Variants in NPAS3 observed in about 807,000 individuals in gnomAD.
NPAS3 encodes neuronal PAS domain-containing protein 3.
In NPAS3, 14 loss-of-function variants were observed where a neutral mutation model predicts 73.1. The ratio of observed to expected loss-of-function variants is 0.19; its 90% CI spans 0.13 to 0.30. The LOEUF (loss-of-function observed/expected upper bound fraction) is 0.30. Among genes scored for constraint, NPAS3 ranks in the 10% least tolerant of loss-of-function variants. NPAS3 has a pLI of 1.00. For synonymous variants in NPAS3, 620 were observed against 541.5 expected, an observed-to-expected ratio of 1.14 and a Z score of -2.01; for missense variants, 1,096 against 1,250.0, an observed-to-expected ratio of 0.88 and a Z score of 1.86.
intron 2 of NPAS3, among the ~76,000 whole-genome samples, chr14:33,131,015 C>T (rs374663742): frequency 2.0e-5 from 3 of 152,058 alleles, no homozygotes; most frequent in African/African-American, 7.2e-5. Flanking sequence ...AGTTTCAAAC[C>T]ATCCATGCTC....
At chr14:33,358,976 G>A (rs1184105210) in intron 3 of NPAS3, among the ~76,000 whole-genome samples, 3 of 152,254 alleles carry the variant, frequency 2.0e-5, no homozygotes, top group South Asian at 2.1e-4. Context: ...AGCAGGTGCT[G>A]TTATAAGCAG....
chr14:33,489,820 A>G (rs2051801925), intron 4 of NPAS3, among the ~76,000 whole-genome samples: 1 of 152,108 alleles, frequency 6.6e-6, no homozygotes, highest in African/African-American at 2.4e-5. Context: ...CTTGTTTTGT[A>G]ATACTGTTTT....
At chr14:33,136,058 CTTTTTTTTTTTT>C (rs34308954) in intron 2 of NPAS3, among the ~76,000 whole-genome samples, 2 of 115,412 alleles carry the variant, frequency 1.7e-5, no homozygotes, top group Non-Finnish European at 3.6e-5. Context: ...TACCTTTTTT[CTTTTTTTTTTTT>C]TTTTTTTTGA....
intron 2 of NPAS3, among the ~76,000 whole-genome samples, chr14:33,070,486 G>A (rs535133367): frequency 1.3e-5 from 2 of 152,304 alleles, no homozygotes; most frequent in South Asian, 2.1e-4. Context: ...TCTGAGCTCA[G>A]TATTACTGAT....
intron 6 of NPAS3, among the ~76,000 whole-genome samples, chr14:33,729,616 C>G (rs2061353490): frequency 6.6e-6 from 1 of 152,140 alleles, no homozygotes; most frequent in Non-Finnish European, 1.5e-5. Flanking sequence ...TAGGAAGCCT[C>G]AGTTCCTTGT....
At chr14:33,450,231 G>A (rs560748250) in intron 4 of NPAS3, among the ~76,000 whole-genome samples, 1 of 152,150 alleles carries the variant, frequency 6.6e-6, no homozygotes, top group Non-Finnish European at 1.5e-5. Flanking sequence ...AGCATCTAAC[G>A]TGATGTTTCT....
At chr14:33,401,986 C>A (rs995062468) in intron 4 of NPAS3, among the ~76,000 whole-genome samples, 2 of 152,084 alleles carry the variant, frequency 1.3e-5, no homozygotes, top group African/African-American at 4.8e-5. Flanking sequence ...AACTTATCTT[C>A]CTGTGGCCTG....
intron 5 of NPAS3, among the ~76,000 whole-genome samples, chr14:33,672,394 G>A (rs1387016851): frequency 6.6e-5 from 10 of 151,544 alleles, no homozygotes; most frequent in East Asian, 1.9e-4. Flanking sequence ...TTTTTCAGGC[G>A]CAAATATCCG....
chr14:33,429,730 A>C (rs573004344), intron 4 of NPAS3, among the ~76,000 whole-genome samples: 1 of 152,190 alleles, frequency 6.6e-6, no homozygotes, highest in South Asian at 2.1e-4. Flanking sequence ...GAGGAAGTTC[A>C]AAAGAATGAG....
In NPAS3 at chr14:33,800,164, C is replaced by T. The variant is rs201069504; in HGVS notation, c.1857C>T (p.Ser619=). The change falls in exon 12 of 12, where the codon AGC becomes AGT. Residue 619 remains serine, a synonymous_variant. Coordinates refer to ENST00000356141, the Ensembl canonical transcript of NPAS3. This position sits in a 1 kb window ranked among gnomAD's most constrained non-coding sequence, Gnocchi z 6.5. Reference sequence around the variant, plus strand: ...GCGCCAGCCGCCGGCGCCTGTCCAGCGCGTCGAGCCCAGGCGGCCTGGACG... The same window carrying T: ...GCGCCAGCCGCCGGCGCCTGTCCAGTGCGTCGAGCCCAGGCGGCCTGGACG... The T allele has an allele frequency of 1.0e-5, 16 of 1,604,870 alleles. No individual in the cohort carries two copies. Among genetic ancestry groups the T allele is most frequent in the African/African-American group, 1.3e-5 (1 of 74,952 alleles).
intron 2 of NPAS3, among the ~76,000 whole-genome samples, chr14:33,101,197 A>G (rs2042567134): frequency 6.6e-6 from 1 of 152,104 alleles, no homozygotes; most frequent in African/African-American, 2.4e-5. Flanking sequence ...AGCATTTCTG[A>G]GTGTTTGCCA....
chr14:33,284,812 CTATA>C (rs1414202244), intron 3 of NPAS3, among the ~76,000 whole-genome samples: 34 of 130,092 alleles, frequency 2.6e-4, no homozygotes, highest in South Asian at 1.0e-3. Flanking sequence ...ATCTATCTAT[CTATA>C]TAATCTTCTC....
rs530816052 is a variant in NPAS3 at position 33,497,365 on chromosome 14, A to C, written c.469-62756A>C. ...AAAAACTACTTTAAATTTCATATGGAGCCAAAAAAGGGCCCATATAGCTAA... is the reference window on the plus strand; with the variant it reads ...AAAAACTACTTTAAATTTCATATGGCGCCAAAAAAGGGCCCATATAGCTAA... On this transcript the variant is annotated intron_variant, in intron 4 of 11. Coordinates refer to ENST00000356141, the Ensembl canonical transcript of NPAS3. Among the ~76,000 whole-genome samples, 27 of 152,284 alleles carry C rather than the reference A, an allele frequency of 1.8e-4. No individual in the cohort carries two copies. The South Asian group carries it at 1.9e-3, about 11-fold the overall frequency.
intron 1 of NPAS3, among the ~76,000 whole-genome samples, chr14:33,000,755 G>A (rs963111860): frequency 1.3e-5 from 2 of 152,210 alleles, no homozygotes; most frequent in Admixed American, 1.3e-4. Context: ...CAAGTGCTAT[G>A]GAGTTGGGAA....
chr14:32,992,791 A>T (rs2038389035), intron 1 of NPAS3, among the ~76,000 whole-genome samples: 1 of 152,198 alleles, frequency 6.6e-6, no homozygotes, highest in Admixed American at 6.5e-5. Flanking sequence ...GTTTTACGTA[A>T]CAAGAAGAAT....
At chr14:33,799,940 G>A in exon 12 of NPAS3, 1 of 1,614,138 alleles carries the variant, frequency 6.2e-7, no homozygotes, top group South Asian at 1.1e-5. Context: ...GGCGGGCGAG[G>A]ACGGCTTCGG....
At chr14:33,464,669 A>T (rs992917523) in intron 4 of NPAS3, among the ~76,000 whole-genome samples, 4 of 152,218 alleles carry the variant, frequency 2.6e-5, no homozygotes, top group African/African-American at 9.6e-5. Flanking sequence ...CTGTGACACA[A>T]GTTGTACAGA....
chr14:33,134,791 T>G (rs2139131431), intron 2 of NPAS3, among the ~76,000 whole-genome samples: 1 of 152,338 alleles, frequency 6.6e-6, no homozygotes, highest in East Asian at 1.9e-4. Context: ...ATTACTGCAT[T>G]TACCTGTTAG....
chr14:33,057,177 C>T (rs2040919854), intron 2 of NPAS3, among the ~76,000 whole-genome samples: 2 of 152,154 alleles, frequency 1.3e-5, no homozygotes, highest in African/African-American at 2.4e-5. Context: ...GTTTAGGTGA[C>T]TGTATCACTG....
Sources: gnomAD v4.1 joint callset for allele counts (sites outside exome capture counted in the v4.1 genomes callset) on GRCh38, gnomAD v4.1.1 for gene constraint, Gnocchi (gnomAD v3.1) non-coding constraint, MANE v1.5 for transcripts, NCBI Gene and HGNC (gene_info 2026-07-23, HGNC 2026-07-21) for gene names.